The following UNC80 variants were observed in gnomAD, a reference collection of about 807,000 sequenced individuals.
UNC80 encodes the protein protein unc-80 homolog.
A neutral mutation model predicts 384.6 loss-of-function variants in UNC80; 164 were observed. The ratio of observed to expected loss-of-function variants is 0.43; its 90% CI spans 0.38 to 0.49. The LOEUF (loss-of-function observed/expected upper bound fraction) is 0.49. Ranked by LOEUF, UNC80 falls within the 20% of genes least tolerant of loss-of-function variation. UNC80 has a pLI of 0.00. For missense variants in UNC80, 3,330 were observed against 4,143.0 expected (o/e 0.80, Z 5.39); for synonymous variants, 1,486 against 1,527.8 (o/e 0.97, Z 0.64).
chr2:209,789,502 A>G, intron 5 of UNC80, 30 bp from the exon 6 acceptor site: 2 of 1,546,212 alleles, frequency 1.3e-6, no homozygotes, highest in Non-Finnish European at 1.8e-6. Flanking sequence ...AAAACCTTAC[A>G]AAACGATGGA....
chr2:209,850,772 T>C (rs1276881360), intron 22 of UNC80, among the ~76,000 whole-genome samples: 3 of 152,078 alleles, frequency 2.0e-5, no homozygotes, highest in Admixed American at 2.0e-4. Context: ...GACTGTAAAA[T>C]GTAGAAAATC....
intron 15 of UNC80, among the ~76,000 whole-genome samples, chr2:209,830,152 T>C (rs2080851224): frequency 6.6e-6 from 1 of 152,250 alleles, no homozygotes; most frequent in Non-Finnish European, 1.5e-5. Context: ...TTATTGTTTA[T>C]ATAACAAATG....
At chr2:209,911,074 G>A (rs2088878667) in intron 29 of UNC80, among the ~76,000 whole-genome samples, 1 of 152,088 alleles carries the variant, frequency 6.6e-6, no homozygotes, top group South Asian at 2.1e-4. Context: ...GGCTAGTAAG[G>A]CCTTGGGAAA....
At chr2:209,825,884 T>C (rs1368330961) in intron 13 of UNC80, 23 bp from the exon 14 acceptor site, 2 of 1,510,694 alleles carry the variant, frequency 1.3e-6, no homozygotes, top group Admixed American at 2.3e-5. Context: ...GACTTTTCTT[T>C]CTTTCTCATT....
intron 7 of UNC80, chr2:209,794,693 T>A (rs2153825845): frequency 2.5e-6 from 1 of 404,486 alleles, no homozygotes; most frequent in East Asian, 8.9e-5. Context: ...GTCTTTCCCA[T>A]GCTATTCTCG....
At position 209,818,081 on chromosome 2, in the gene UNC80, A is replaced by G. The variant is rs183766699; in HGVS notation, c.1693+129A>G. Reference sequence around the variant, plus strand: ...CTGAAAACTGGCATTCTTGTGCTGAATTGCTTTTGTTAGCCATTCTTAGCA... The same window carrying G: ...CTGAAAACTGGCATTCTTGTGCTGAGTTGCTTTTGTTAGCCATTCTTAGCA... On this transcript the variant is annotated intron_variant, in intron 11 of 64. Coordinates refer to ENST00000673920, the MANE Select transcript of UNC80 (RefSeq NM_001371986.1). 7 of 1,216,078 alleles carry G rather than the reference A, an allele frequency of 5.8e-6. No homozygotes were observed. In the South Asian group the frequency reaches 6.3e-5, roughly 11 times the overall value. 75.3% of individuals were successfully genotyped at this position (1,216,078 alleles called of 1,614,324 possible).
Position 209,777,423 on chromosome 2 carries a change from AG to A in UNC80, c.467del (p.Gly156ValfsTer78). 1 of 1,614,182 alleles carries A rather than the reference AG, an allele frequency of 6.2e-7. No individual in the cohort carries two copies. Among genetic ancestry groups the A allele is most frequent in the Non-Finnish European group, 8.5e-7 (1 of 1,180,030 alleles). On this transcript the variant is annotated frameshift_variant, in exon 4 of 65. Transcript: ENST00000673920. LOFTEE classifies it high-confidence loss of function. ...GCTTTCATCCACCAGGTTGAAAACCAGGGTTCTCCAGGGCAGCCTTGCCAAA... is the reference window on the plus strand; with the variant it reads ...GCTTTCATCCACCAGGTTGAAAACCAGGTTCTCCAGGGCAGCCTTGCCAAA... ...SSAFIHQVEN[Q>X]GSPGQPCQSS...
chr2:209,899,649 T>C (rs1303794646), intron 28 of UNC80, among the ~76,000 whole-genome samples: 4 of 151,970 alleles, frequency 2.6e-5, no homozygotes, highest in Non-Finnish European at 4.4e-5. Flanking sequence ...TTCCACACCC[T>C]CTACACACAC....
At chr2:209,946,480 C>T (rs1056577340) in intron 47 of UNC80, among the ~76,000 whole-genome samples, 9 of 152,172 alleles carry the variant, frequency 5.9e-5, no homozygotes, top group African/African-American at 1.9e-4. Flanking sequence ...TTTGAAATCC[C>T]TTAATTTGAA....
At chr2:209,798,942 C>T (rs1461050444) in intron 7 of UNC80, among the ~76,000 whole-genome samples, 1 of 150,544 alleles carries the variant, frequency 6.6e-6, no homozygotes, top group African/African-American at 2.4e-5. Flanking sequence ...CCTCGGCCTC[C>T]CAAAGTGCTG....
At chr2:209,843,119 C>G (rs2081891990) in intron 21 of UNC80, among the ~76,000 whole-genome samples, 1 of 152,096 alleles carries the variant, frequency 6.6e-6, no homozygotes, top group Non-Finnish European at 1.5e-5. Context: ...GTGGAAGTGT[C>G]TCTAGATCCA....
intron 36 of UNC80, among the ~76,000 whole-genome samples, chr2:209,927,353 G>A (rs749218713): frequency 5.9e-5 from 9 of 152,076 alleles, no homozygotes; most frequent in Non-Finnish European, 1.3e-4. Context: ...CTTTCCTGAC[G>A]TGCTAACTAC....
Position 209,940,318 on chromosome 2 carries a change from T to C in UNC80, c.6646+666T>C, listed in dbSNP as rs191237622. On this transcript the variant is annotated intron_variant, in intron 43 of 64. Coordinates refer to ENST00000673920, the MANE Select transcript of UNC80 (RefSeq NM_001371986.1). ...TGGTCTGTATATTGATGGAATGTTG[T>C]CTACATGAGTGCATAGTGCATATTT... is the stretch of plus-strand genomic sequence containing the variant. Among the ~76,000 whole-genome samples, 180 of 152,276 alleles carry C rather than the reference T, an allele frequency of 1.2e-3. 2 individuals carry two copies. The highest frequency in any genetic ancestry group is 4.2e-3 in the African/African-American group (176 of 41,544).
At chr2:209,875,778 C>T (rs2084724336) in intron 23 of UNC80, among the ~76,000 whole-genome samples, 1 of 152,214 alleles carries the variant, frequency 6.6e-6, no homozygotes, top group South Asian at 2.1e-4. Context: ...CATTCTCCAT[C>T]AGTCAAAACA....
intron 7 of UNC80, among the ~76,000 whole-genome samples, chr2:209,805,428 T>C (rs951899519): frequency 2.0e-5 from 3 of 152,236 alleles, no homozygotes; most frequent in African/African-American, 7.2e-5. Flanking sequence ...CGTTTATTTT[T>C]TTGCATAGTT....
intron 26 of UNC80, among the ~76,000 whole-genome samples, chr2:209,888,562 T>C (rs1241773937): frequency 1.3e-5 from 2 of 152,102 alleles, no homozygotes; most frequent in East Asian, 3.9e-4. Flanking sequence ...CATAATGCTC[T>C]CTTATCACTT....
rs1264518853 is a variant in UNC80 at position 209,967,477 on chromosome 2, T to C, written c.7846T>C (p.Tyr2616His). The change falls in exon 52 of 65, where the codon TAT becomes CAT. Residue 2616 changes from tyrosine (Y) to histidine (H), a missense_variant. By Grantham distance (83) the Tyr-to-His change is moderately conservative. Around this residue, in one of 8 missense-constraint regions of UNC80, gnomAD observed 1,049 missense variants for 1,488.6 expected, o/e 0.70. Transcript: ENST00000673920. Reference protein sequence around the residue: ...IAHSLLKLAPYDTQTMESRGL... With the variant: ...IAHSLLKLAPHDTQTMESRGL... Reference sequence around the variant, plus strand: ...ACACTCCCTTCTGAAGCTGGCACCATATGACACTCAGACAATGGAGAGTCG... The same window carrying C: ...ACACTCCCTTCTGAAGCTGGCACCACATGACACTCAGACAATGGAGAGTCG... 1.9e-6 allele frequency: 3 copies of C among 1,551,510 alleles called. No individual in the cohort carries two copies. The highest frequency in any genetic ancestry group is 1.4e-5 in the African/African-American group (1 of 73,128).
At chr2:209,918,712 C>G in intron 33 of UNC80, 49 bp downstream of exon 33, 1 of 1,460,078 alleles carries the variant, frequency 6.8e-7, no homozygotes, top group South Asian at 1.4e-5. Context: ...TAAAAGAGAA[C>G]AATTAATATT....
At chr2:209,800,614 A>T (rs1230031485) in intron 7 of UNC80, among the ~76,000 whole-genome samples, 5 of 151,460 alleles carry the variant, frequency 3.3e-5, no homozygotes, top group Non-Finnish European at 7.4e-5. Flanking sequence ...GGATTAGTTT[A>T]TTCTTGCCTT....
Sources: gnomAD v4.1 joint callset for allele counts (sites outside exome capture counted in the v4.1 genomes callset) on GRCh38, gnomAD v4.1.1 for gene constraint, gnomAD v4.1.1 regional missense constraint, MANE v1.5 for transcripts, NCBI Gene and HGNC (gene_info 2026-07-23, HGNC 2026-07-21) for gene names.